AKAP8L: variants seen among roughly 807,000 people sequenced by gnomAD.
AKAP8L encodes the protein A-kinase anchoring protein 8 like, also known as A-kinase anchor protein 8-like.
In AKAP8L, 34 loss-of-function variants were observed where a neutral mutation model predicts 77.5. The observed-to-expected ratio is 0.44, with a 90% confidence interval of 0.33 to 0.58. The LOEUF (loss-of-function observed/expected upper bound fraction) is 0.58, where lower values mean the gene tolerates loss of function less well. Among genes scored for constraint, AKAP8L ranks in the 20% least tolerant of loss-of-function variants. AKAP8L has a pLI of 0.02. For missense variants in AKAP8L, 806 were observed against 887.6 expected, an observed-to-expected ratio of 0.91 and a Z score of 1.17; for synonymous variants, 342 against 340.7, an observed-to-expected ratio of 1.00 and a Z score of -0.04.
chr19:15,400,707 A>G lies in AKAP8L; in HGVS notation c.984+87T>C, dbSNP rs779121619. 4.1e-6 allele frequency: 6 copies of G among 1,481,330 alleles called. No individual in the cohort carries two copies. In the African/African-American group the frequency reaches 8.3e-5, roughly 21 times the overall value. 91.8% of individuals were successfully genotyped at this position (1,481,330 alleles called of 1,614,324 possible). On this transcript the variant is annotated intron_variant, in intron 7 of 13. Coordinates refer to ENST00000397410, the MANE Select transcript of AKAP8L (RefSeq NM_014371.4). ...ACCATGCACGCAGAGCTGACACAGCATTGCCTCTGGCCCCCAGGGAGAGCA... is the reference window on the plus strand; with the variant it reads ...ACCATGCACGCAGAGCTGACACAGCGTTGCCTCTGGCCCCCAGGGAGAGCA...
At position 15,403,635 on chromosome 19, in the gene AKAP8L, A is replaced by G; in HGVS notation, c.202T>C (p.Ser68Pro). 1 of 1,613,882 alleles carries G rather than the reference A, an allele frequency of 6.2e-7. No individual in the cohort carries two copies. The highest frequency in any genetic ancestry group is 8.5e-7 in the Non-Finnish European group (1 of 1,179,838). The stretch of plus-strand genomic sequence containing the variant: ...GTGTCAGAGCTAGGCATTTCCCAAG[A>G]GTGTGAAGTGGCCATACCATACCCA... ...NYGYGMATSH[S>P]WEMPSSDTNA... The change falls in exon 4 of 14, where the codon TCT (serine) becomes CCT (proline). Residue 68 changes from serine (S) to proline (P), a missense_variant. Coordinates refer to ENST00000397410, the MANE Select transcript of AKAP8L (RefSeq NM_014371.4). This position sits in a 1 kb window ranked among gnomAD's most constrained non-coding sequence, Gnocchi z 4.3.
rs1001723694 is a variant in AKAP8L at position 15,397,099 on chromosome 19, G to A, written c.1536+51C>T. ...TTCCAACTGCACAACCTCCCCAGAG[G>A]CCTCACTCAATCTACCCACAGGACA... On this transcript the variant is annotated intron_variant, in intron 12 of 13. Transcript: ENST00000397410. The surrounding 1 kb of genome is among the most constrained non-coding windows in gnomAD (Gnocchi z 4.7). 6.2e-7 allele frequency: 1 copy of A among 1,604,950 alleles called. No homozygotes were observed. The highest frequency in any genetic ancestry group is 1.3e-5 in the African/African-American group (1 of 74,730).
rs1458559533 is a variant in AKAP8L, at chr19:15,401,331, A to G, written c.635T>C (p.Met212Thr). The G allele has an allele frequency of 6.2e-6, 10 of 1,613,368 alleles. No homozygotes were observed. Among genetic ancestry groups the G allele is most frequent in the Non-Finnish European group, 7.6e-6 (9 of 1,179,884 alleles). The change falls in exon 5 of 14, where the codon ATG becomes ACG. Residue 212 changes from methionine (M) to threonine (T), a missense_variant. By Grantham distance (81) the Met-to-Thr change is moderately conservative. Coordinates refer to ENST00000397410, the MANE Select transcript of AKAP8L (RefSeq NM_014371.4). This position sits in a 1 kb window ranked among gnomAD's most constrained non-coding sequence, Gnocchi z 6.2. ...EDPMGARGQCMSGASRLPSLF... is the reference protein window; with the variant it reads ...EDPMGARGQCTSGASRLPSLF... ...GGAGGGCAGCCGAGAGGCACCAGAC[A>G]TGCACTGGCCCCGGGCCCCCATGGG... is the stretch of plus-strand genomic sequence containing the variant.
intron 1 of AKAP8L, among the ~76,000 whole-genome samples, chr19:15,412,241 G>C (rs955772361): frequency 6.6e-6 from 1 of 152,144 alleles, no homozygotes; most frequent in East Asian, 1.9e-4. Flanking sequence ...AATTAGCTGG[G>C]TGTGGTGGCA....
At chr19:15,408,776 G>T (rs185820605) in intron 2 of AKAP8L, among the ~76,000 whole-genome samples, 187 of 151,170 alleles carry the variant, frequency 1.2e-3, no homozygotes, top group African/African-American at 4.2e-3. Context: ...GGAGGCTGAA[G>T]CGGGAGAATG....
rs1967835417 is a variant in AKAP8L, at chr19:15,399,092, C to T, written c.1157+210G>A. On this transcript the variant is annotated intron_variant, in intron 9 of 13. Transcript: ENST00000397410. The surrounding 1 kb of genome is among the most constrained non-coding windows in gnomAD (Gnocchi z 6.1). The stretch of plus-strand genomic sequence containing the variant: ...GGTGTCAGGTCTCGGCCCACAGACG[C>T]CAGCGGTCGCCAGGCGGCCGCAGAG... 5 of 584,238 alleles carry T rather than the reference C, an allele frequency of 8.6e-6. No homozygotes were observed. Among genetic ancestry groups the T allele is most frequent in the Non-Finnish European group, 1.2e-5 (4 of 330,122 alleles). The allele number at this position is 584,238 out of a possible 1,614,324, so 36.2% of individuals were successfully genotyped here. A position where few individuals can be genotyped will look rare whatever the true frequency, so the allele number is the denominator to read the frequency against.
rs189930531 is a variant in AKAP8L at position 15,407,965 on chromosome 19, C to T, written c.88+2555G>A. On this transcript the variant is annotated intron_variant, in intron 2 of 13. Coordinates refer to ENST00000397410, the MANE Select transcript of AKAP8L (RefSeq NM_014371.4). The stretch of plus-strand genomic sequence containing the variant: ...TGGAAAAAAGAACAAACCTGGAGGA[C>T]TCATATTTCAAGATTACTATTAACC... Among the ~76,000 whole-genome samples, 11 of 152,294 alleles carry T rather than the reference C, an allele frequency of 7.2e-5. No homozygotes were observed. In the East Asian group the frequency reaches 2.1e-3, roughly 29 times the overall value.
chr19:15,403,370 G>C lies in AKAP8L; in HGVS notation c.362+105C>G. On this transcript the variant is annotated intron_variant, in intron 4 of 13. Transcript: ENST00000397410. The surrounding 1 kb of genome is among the most constrained non-coding windows in gnomAD (Gnocchi z 4.3). ...GGGAGCCACAGCAGCACCAAGCAGCGGGGAGGAAGCAGACACAGAGGGGCA... is the reference window on the plus strand; with the variant it reads ...GGGAGCCACAGCAGCACCAAGCAGCCGGGAGGAAGCAGACACAGAGGGGCA... The C allele has an allele frequency of 9.1e-7, 1 of 1,097,030 alleles. No individual in the cohort carries two copies. The allele number at this position is 1,097,030 out of a possible 1,614,324, so 68.0% of individuals were successfully genotyped here.
In AKAP8L at chr19:15,401,432, G is replaced by A. The variant is rs1297605048; in HGVS notation, c.534C>T (p.Pro178=). 2 of 1,613,596 alleles carry A rather than the reference G, an allele frequency of 1.2e-6. No homozygotes were observed. Among genetic ancestry groups the A allele is most frequent in the Admixed American group, 1.7e-5 (1 of 60,030 alleles). ...CATCCCGGGCCCAGCCCTGTGCCCT[G>A]GGACCGAAGGTGTCGTTGCCACGCA... The part of the protein sequence containing the change: ...FRMRGNDTFG[P]RAQGWARDAR... The change falls in exon 5 of 14, where the codon CCC becomes CCT. Residue 178 remains proline, a synonymous_variant. Coordinates refer to ENST00000397410, the MANE Select transcript of AKAP8L (RefSeq NM_014371.4). The surrounding 1 kb of genome is among the most constrained non-coding windows in gnomAD (Gnocchi z 6.2).
chr19:15,408,606 G>A (rs1198791507), intron 2 of AKAP8L, among the ~76,000 whole-genome samples: 11 of 147,674 alleles, frequency 7.4e-5, no homozygotes, highest in Middle Eastern at 4.0e-3. Context: ...GAAAGAGGCC[G>A]GGCGCGGTGG....
At position 15,399,091 on chromosome 19, in the gene AKAP8L, G is replaced by A. The variant is rs746743344; in HGVS notation, c.1157+211C>T. ...CGGTGTCAGGTCTCGGCCCACAGAC[G>A]CCAGCGGTCGCCAGGCGGCCGCAGA... On this transcript the variant is annotated intron_variant, in intron 9 of 13. Transcript: ENST00000397410. The surrounding 1 kb of genome is among the most constrained non-coding windows in gnomAD (Gnocchi z 6.1). 2.1e-5 allele frequency: 12 copies of A among 580,864 alleles called. No homozygotes were observed. Among genetic ancestry groups the A allele is most frequent in the Non-Finnish European group, 3.7e-5 (12 of 327,692 alleles). The allele number at this position is 580,864 out of a possible 1,614,324, so 36.0% of individuals were successfully genotyped here.
At chr19:15,387,303 C>T (rs1054415584) in intron 12 of AKAP8L, among the ~76,000 whole-genome samples, 1 of 152,144 alleles carries the variant, frequency 6.6e-6, no homozygotes, top group Non-Finnish European at 1.5e-5. Context: ...ACAGTGAGAG[C>T]ACGGCCTTAA....
At chr19:15,391,529 T>A (rs1318580672) in intron 12 of AKAP8L, among the ~76,000 whole-genome samples, 1 of 149,176 alleles carries the variant, frequency 6.7e-6, no homozygotes, top group East Asian at 2.0e-4. Context: ...ATGTTTTTAT[T>A]TTTATTTTAT....
intron 12 of AKAP8L, among the ~76,000 whole-genome samples, chr19:15,388,081 A>G (rs1393857848): frequency 1.3e-5 from 2 of 152,212 alleles, no homozygotes; most frequent in Non-Finnish European, 2.9e-5. Context: ...GCAATCAGCC[A>G]GCAATTGGTA....
At chr19:15,416,662 G>A (rs1968213168) in intron 1 of AKAP8L, among the ~76,000 whole-genome samples, 1 of 152,180 alleles carries the variant, frequency 6.6e-6, no homozygotes, top group Non-Finnish European at 1.5e-5. Context: ...AACTGTGTGA[G>A]ACAATAAATG....
Position 15,418,905 on chromosome 19 carries a change from GC to G in AKAP8L, c.13+5del. ...GCAGAGCCCGACCCCACCCTGCCAG[GC>G]CCACCTGTGTAGCTCATGGTGGCGG... On this transcript the variant is annotated splice_donor_5th_base_variant and intron_variant, in intron 1 of 13. Coordinates refer to ENST00000397410, the MANE Select transcript of AKAP8L (RefSeq NM_014371.4). The G allele has an allele frequency of 6.2e-7, 1 of 1,602,396 alleles. No homozygotes were observed.
In AKAP8L at chr19:15,384,844, T is replaced by C. The variant is rs559140900; in HGVS notation, c.1537-4232A>G. ...CACATTATTTGCACATAAAGAGAGT[T>C]TGCATTATACCAATAATATTGCTAG... On this transcript the variant is annotated intron_variant, in intron 12 of 13. Transcript: ENST00000397410. 8.5e-5 allele frequency among the ~76,000 whole-genome samples: 13 copies of C among 152,320 alleles called. No individual in the cohort carries two copies. In the South Asian group the frequency reaches 2.7e-3, roughly 32 times the overall value.
intron 12 of AKAP8L, among the ~76,000 whole-genome samples, chr19:15,393,259 A>T (rs1424881638): frequency 6.6e-6 from 1 of 152,204 alleles, no homozygotes; most frequent in African/African-American, 2.4e-5. Context: ...CACAGGGGTA[A>T]ATCTTCGTGA....
intron 1 of AKAP8L, chr19:15,417,615 G>A (rs1357572952): frequency 6.6e-6 from 1 of 152,214 alleles, no homozygotes; most frequent in Non-Finnish European, 1.5e-5. Context: ...AAAAACTGGG[G>A]TTCTTGGAAA....
Sources: gnomAD v4.1 joint callset for allele counts (sites outside exome capture counted in the v4.1 genomes callset) on GRCh38, gnomAD v4.1.1 for gene constraint, Gnocchi (gnomAD v3.1) non-coding constraint, MANE v1.5 for transcripts, NCBI Gene and HGNC (gene_info 2026-07-23, HGNC 2026-07-21) for gene names.